PCDH15: variants seen among roughly 807,000 people sequenced by gnomAD.
PCDH15 encodes the protein protocadherin related 15, also known as protocadherin-15.
PCDH15 carries 129 observed loss-of-function variants against 178.5 expected under a neutral mutation model. That is an observed-to-expected ratio of 0.72 (90% CI 0.63 to 0.84). The LOEUF is 0.84. Among genes scored for constraint, PCDH15 ranks in the 40% least tolerant of loss-of-function variants. PCDH15 has a pLI of 0.00. For synonymous variants in PCDH15, 800 were observed against 732.0 expected, an observed-to-expected ratio of 1.09 and a Z score of -1.50; for missense variants, 2,230 against 2,099.9, an observed-to-expected ratio of 1.06 and a Z score of -1.21.
chr10:54,727,967 T>A (rs1942808834), intron 1 of PCDH15, among the ~76,000 whole-genome samples: 1 of 151,322 alleles, frequency 6.6e-6, no homozygotes, highest in African/African-American at 2.4e-5. Flanking sequence ...GAATAAGCCC[T>A]ATACCAGATA....
chr10:55,080,959 A>G (rs1842026359), intron 2 of PCDH15, among the ~76,000 whole-genome samples: 1 of 152,144 alleles, frequency 6.6e-6, no homozygotes, highest in Non-Finnish European at 1.5e-5. Context: ...ATTGTTAGAT[A>G]AACCCAAACA....
Position 55,485,234 on chromosome 10 carries a change from G to T in PCDH15, c.-156+142391C>A, listed in dbSNP as rs138276574. ...GAAAACTGGGTGAAAGATCTGAATA[G>T]ATATTTTTCAACAGAAGATATGCAA... On this transcript the variant is annotated intron_variant, in intron 2 of 5. Transcript: ENST00000613346. Among the ~76,000 whole-genome samples the T allele has an allele frequency of 4.8e-3, 729 of 151,762 alleles. 4 individuals are homozygous for T. Among genetic ancestry groups the T allele is most frequent in the African/African-American group, 0.016 (676 of 41,468 alleles).
chr10:54,281,977 C>T (rs535643832), intron 8 of PCDH15, among the ~76,000 whole-genome samples: 167 of 152,144 alleles, frequency 1.1e-3, no homozygotes, highest in African/African-American at 3.9e-3. Context: ...TAAAGGTGTT[C>T]GAAGCAAATT....
intron 1 of PCDH15, among the ~76,000 whole-genome samples, chr10:54,689,807 G>T (rs1188654188): frequency 1.3e-5 from 2 of 152,104 alleles, no homozygotes; most frequent in African/African-American, 4.8e-5. Context: ...TGCTCTATAA[G>T]ACAAGTAGAT....
At chr10:55,162,475 A>G (rs539717556) in intron 2 of PCDH15, among the ~76,000 whole-genome samples, 60 of 152,296 alleles carry the variant, frequency 3.9e-4, no homozygotes, top group Non-Finnish European at 7.2e-4. Context: ...TAACAGGGAG[A>G]AAATTATGAC....
At chr10:54,964,193 CT>C (rs1838724597) in intron 2 of PCDH15, among the ~76,000 whole-genome samples, 1 of 152,130 alleles carries the variant, frequency 6.6e-6, no homozygotes, top group South Asian at 2.1e-4. Context: ...ACAAATGGAA[CT>C]TTTTCAAGTT....
At chr10:54,011,129 C>T (rs938370556) in intron 20 of PCDH15, among the ~76,000 whole-genome samples, 12 of 152,162 alleles carry the variant, frequency 7.9e-5, no homozygotes, top group African/African-American at 1.2e-4. Context: ...CCTGGCTGGA[C>T]ATTCCCAGTA....
In PCDH15 at chr10:54,783,681, G is replaced by A. The variant is rs143966676; in HGVS notation, c.-29+17244C>T. On this transcript the variant is annotated intron_variant, in intron 1 of 37. Transcript: ENST00000644397. Reference sequence around the variant, plus strand: ...ATTCAACCCAGAGGGTTTTCTTATCGATACTTATAGTAAAACTATCAAAAG... The same window carrying A: ...ATTCAACCCAGAGGGTTTTCTTATCAATACTTATAGTAAAACTATCAAAAG... Among the ~76,000 whole-genome samples, 339 of 152,072 alleles carry A rather than the reference G, an allele frequency of 2.2e-3. 2 individuals carry two copies. Among genetic ancestry groups the A allele is most frequent in the African/African-American group, 6.6e-3 (274 of 41,504 alleles).
chr10:53,995,991 TAA>T (rs2091824806), intron 20 of PCDH15, among the ~76,000 whole-genome samples: 1 of 152,108 alleles, frequency 6.6e-6, no homozygotes, highest in Non-Finnish European at 1.5e-5. Flanking sequence ...TCCACTGGAA[TAA>T]AGTCTTTCAC....
chr10:54,220,845 T>TAAAC (rs1459551791), intron 9 of PCDH15, among the ~76,000 whole-genome samples: 13 of 149,174 alleles, frequency 8.7e-5, no homozygotes, highest in Admixed American at 8.7e-4. Context: ...AATAAATAAA[T>TAAAC]AAATAAATAA....
rs180847284 is a variant in PCDH15 at position 55,446,072 on chromosome 10, C to T, written c.-156+181553G>A. On this transcript the variant is annotated intron_variant, in intron 2 of 5. Transcript: ENST00000613346. The stretch of plus-strand genomic sequence containing the variant: ...TAGTCAGGCCTATGCCTGAGGCCAT[C>T]CAGTTTGCAACCATTCCTATATGGG... Among the ~76,000 whole-genome samples the T allele has an allele frequency of 2.0e-5, 3 of 152,182 alleles. No individual in the cohort carries two copies. In the East Asian group the frequency reaches 5.8e-4, roughly 29 times the overall value.
intron 3 of PCDH15, among the ~76,000 whole-genome samples, chr10:54,822,848 A>C (rs938924192): frequency 1.6e-4 from 24 of 151,898 alleles, no homozygotes; most frequent in African/African-American, 5.6e-4. Context: ...AAATCTCATA[A>C]ATAATAAGAT....
In PCDH15 at chr10:54,752,515, A is replaced by AT; in HGVS notation, c.-29+48409_-29+48410insA. On this transcript the variant is annotated intron_variant, in intron 1 of 37. Coordinates refer to ENST00000644397, the MANE Select transcript of PCDH15 (RefSeq NM_001384140.1). ...AACAAAAAACAAAAAACAAAAAACAAACAAACAAACAAACAAAAAAAAACA... is the reference window on the plus strand; with the variant it reads ...AACAAAAAACAAAAAACAAAAAACAATACAAACAAACAAACAAAAAAAAACA... 3.3e-5 allele frequency among the ~76,000 whole-genome samples: 3 copies of AT among 91,776 alleles called. No homozygotes were observed. In the East Asian group the frequency reaches 6.3e-4, roughly 19 times the overall value. The allele number at this position is 91,776 out of a possible 152,430, so 60.2% of individuals were successfully genotyped here.
At position 54,074,677 on chromosome 10, in the gene PCDH15, G is replaced by T. The variant is rs138780015; in HGVS notation, c.2091+4654C>A. ...GAACATGGGAATACAAATATCTCTT[G>T]GAGACTCTGCTTTCAATTTTTTTGA... On this transcript the variant is annotated intron_variant, in intron 17 of 37. Coordinates refer to ENST00000644397, the MANE Select transcript of PCDH15 (RefSeq NM_001384140.1). Among the ~76,000 whole-genome samples, 1,302 of 152,026 alleles carry T rather than the reference G, an allele frequency of 8.6e-3. 13 individuals carry two copies. The highest frequency in any genetic ancestry group is 0.03 in the African/African-American group (1,239 of 41,376).
intron 25 of PCDH15, among the ~76,000 whole-genome samples, chr10:53,934,786 T>C (rs1424820857): frequency 6.6e-6 from 1 of 152,104 alleles, no homozygotes; most frequent in Non-Finnish European, 1.5e-5. Context: ...AAGAGCACTT[T>C]CTCTTTTCCG....
At chr10:55,469,791 T>A (rs1430844978) in intron 2 of PCDH15, among the ~76,000 whole-genome samples, 1 of 152,110 alleles carries the variant, frequency 6.6e-6, no homozygotes, top group East Asian at 1.9e-4. Context: ...TCCCAAATTG[T>A]TAATTTTCAT....
intron 18 of PCDH15, among the ~76,000 whole-genome samples, chr10:54,025,944 C>A (rs1485751837): frequency 6.6e-6 from 1 of 152,154 alleles, no homozygotes; most frequent in Non-Finnish European, 1.5e-5. Flanking sequence ...ACATTATGCT[C>A]CCTTGGACAA....
chr10:54,540,443 C>T (rs2085080895), intron 2 of PCDH15, among the ~76,000 whole-genome samples: 1 of 152,026 alleles, frequency 6.6e-6, no homozygotes, highest in Non-Finnish European at 1.5e-5. Context: ...CACACAATCT[C>T]CCAAAATTTA....
At chr10:55,245,221 A>C (rs1841653131) in intron 1 of PCDH15, among the ~76,000 whole-genome samples, 1 of 152,142 alleles carries the variant, frequency 6.6e-6, no homozygotes, top group Admixed American at 6.5e-5. Flanking sequence ...TTTAAAGATA[A>C]ATTCTCTTCA....
Sources: allele counts gnomAD v4.1 joint callset (sites outside exome capture counted in the v4.1 genomes callset), GRCh38; gene constraint gnomAD v4.1.1; transcripts MANE v1.5; gene names NCBI Gene and HGNC (gene_info 2026-07-23, HGNC 2026-07-21).